Variants in PARD3B observed in about 807,000 individuals in gnomAD.
PARD3B encodes the protein par-3 family cell polarity regulator beta, also known as partitioning defective 3 homolog B.
In PARD3B, 103 loss-of-function variants were observed where a neutral mutation model predicts 130.2. The ratio of observed to expected loss-of-function variants is 0.79; its 90% CI spans 0.67 to 0.93. The LOEUF (loss-of-function observed/expected upper bound fraction) is 0.93, where lower values mean the gene tolerates loss of function less well. Among genes scored for constraint, PARD3B ranks in the 40% least tolerant of loss-of-function variants. The pLI is 0.00. For missense variants in PARD3B, 1,609 were observed against 1,499.2 expected (o/e 1.07, Z -1.21); for synonymous variants, 583 against 553.2 (o/e 1.05, Z -0.76).
chr2:205,053,498 G>C (rs1362741660), intron 4 of PARD3B, among the ~76,000 whole-genome samples: 1 of 151,924 alleles, frequency 6.6e-6, no homozygotes, highest in Non-Finnish European at 1.5e-5. Flanking sequence ...AAATTATCCA[G>C]GCTTGGTGGT....
chr2:205,587,711 T>C (rs764079376), intron 22 of PARD3B, among the ~76,000 whole-genome samples: 1 of 152,206 alleles, frequency 6.6e-6, no homozygotes, highest in Non-Finnish European at 1.5e-5. Context: ...AATCTTCTTC[T>C]ACCACGAACT....
At chr2:204,832,802 C>T (rs779798814) in intron 2 of PARD3B, among the ~76,000 whole-genome samples, 11 of 152,032 alleles carry the variant, frequency 7.2e-5, no homozygotes, top group South Asian at 2.1e-4. Context: ...TCCTATTCAA[C>T]GACACCTCCA....
At chr2:204,948,579 G>C (rs145851981) in intron 2 of PARD3B, among the ~76,000 whole-genome samples, 1 of 152,064 alleles carries the variant, frequency 6.6e-6, no homozygotes, top group South Asian at 2.1e-4. Context: ...CACAGAGACC[G>C]AACATGAGCA....
chr2:205,429,557 T>A (rs867125863), intron 19 of PARD3B, among the ~76,000 whole-genome samples: 6 of 152,182 alleles, frequency 3.9e-5, no homozygotes, highest in Non-Finnish European at 7.4e-5. Context: ...TCAGTTTGTC[T>A]CCTTAGCATT....
At chr2:204,829,149 A>C (rs1045486908) in intron 2 of PARD3B, among the ~76,000 whole-genome samples, 1 of 152,240 alleles carries the variant, frequency 6.6e-6, no homozygotes, top group Non-Finnish European at 1.5e-5. Context: ...TATATTGAGA[A>C]GTGAGCTATA....
chr2:205,265,351 A>G lies in PARD3B; in HGVS notation c.2185+19529A>G, dbSNP rs2040464131. On this transcript the variant is annotated intron_variant, in intron 16 of 22. Coordinates refer to ENST00000406610, the MANE Select transcript of PARD3B (RefSeq NM_001302769.2). This position sits in a 1 kb window ranked among gnomAD's most constrained non-coding sequence, Gnocchi z 4.3. ...GGCGGATCTGATCATCAGTCTCTAA[A>G]TGTTAGTAATCATTTGGTTTATTTA... Among the ~76,000 whole-genome samples, 1 of 152,032 alleles carries G rather than the reference A, an allele frequency of 6.6e-6. No homozygotes were observed. The highest frequency in any genetic ancestry group is 6.6e-5 in the Admixed American group (1 of 15,252).
In PARD3B at chr2:204,950,657, T is replaced by C. The variant is rs114881262; in HGVS notation, c.223-14495T>C. 1.1e-3 allele frequency among the ~76,000 whole-genome samples: 160 copies of C among 152,310 alleles called. 1 individual carries two copies. The highest frequency in any genetic ancestry group is 3.7e-3 in the African/African-American group (153 of 41,578). On this transcript the variant is annotated intron_variant, in intron 2 of 22. Coordinates refer to ENST00000406610, the MANE Select transcript of PARD3B (RefSeq NM_001302769.2). The stretch of plus-strand genomic sequence containing the variant: ...GAAAATAACTTGTTTTTCAGTTCTT[T>C]CGTATTTAAATGAAACAAGACATCT...
intron 2 of PARD3B, among the ~76,000 whole-genome samples, chr2:204,946,324 T>G (rs1689319124): frequency 6.6e-6 from 1 of 152,234 alleles, no homozygotes; most frequent in Admixed American, 6.5e-5. Context: ...CTAAACACAT[T>G]TTAATCCTTC....
At chr2:204,780,640 T>C (rs2041802526) in intron 2 of PARD3B, among the ~76,000 whole-genome samples, 1 of 152,136 alleles carries the variant, frequency 6.6e-6, no homozygotes, top group Admixed American at 6.6e-5. Context: ...AAGACTAGGG[T>C]AATTCTTAAG....
intron 18 of PARD3B, among the ~76,000 whole-genome samples, chr2:205,360,392 ACTTTGGG>A (rs1436533274): frequency 7.9e-5 from 12 of 151,818 alleles, no homozygotes; most frequent in African/African-American, 2.9e-4. Context: ...AGGTGGTTAT[ACTTTGGG>A]CTTTTAGGAT....
At chr2:204,870,808 G>A (rs1370072177) in intron 2 of PARD3B, among the ~76,000 whole-genome samples, 1 of 151,934 alleles carries the variant, frequency 6.6e-6, no homozygotes, top group Non-Finnish European at 1.5e-5. Flanking sequence ...TATTTTATTT[G>A]GAAACTAGTT....
intron 22 of PARD3B, among the ~76,000 whole-genome samples, chr2:205,555,923 T>C (rs17536092): frequency 0.021 from 3,269 of 152,282 alleles, 70 homozygotes; most frequent in Admixed American, 0.078. Context: ...CAAATTAAAC[T>C]AATGAGATGC....
intron 2 of PARD3B, among the ~76,000 whole-genome samples, chr2:204,717,564 A>G (rs1041286358): frequency 1.3e-5 from 2 of 152,108 alleles, no homozygotes; most frequent in African/African-American, 2.4e-5. Context: ...GAAGATTGGA[A>G]TTGTTTAGGG....
At chr2:205,464,099 T>G (rs1373369780) in intron 20 of PARD3B, among the ~76,000 whole-genome samples, 1 of 152,096 alleles carries the variant, frequency 6.6e-6, no homozygotes, top group African/African-American at 2.4e-5. Flanking sequence ...TGGATACTTC[T>G]TAAGTCTGAA....
At chr2:205,609,002 T>C (rs1321930091) in intron 22 of PARD3B, among the ~76,000 whole-genome samples, 2 of 152,208 alleles carry the variant, frequency 1.3e-5, no homozygotes, top group African/African-American at 2.4e-5. Context: ...CCTCTTCTCA[T>C]AACACAATGG....
chr2:205,156,368 T>A lies in PARD3B; in HGVS notation c.1435-2354T>A, dbSNP rs181792016. Among the ~76,000 whole-genome samples, 1,423 of 151,504 alleles carry A rather than the reference T, an allele frequency of 9.4e-3. 20 individuals are homozygous for A. Among genetic ancestry groups the A allele is most frequent in the African/African-American group, 0.03 (1,221 of 41,206 alleles). ...CATGGCACATGTATACATATGTAACTAACCTGCACATTGTGCACATGTACC... is the reference window on the plus strand; with the variant it reads ...CATGGCACATGTATACATATGTAACAAACCTGCACATTGTGCACATGTACC... On this transcript the variant is annotated intron_variant, in intron 10 of 22. Coordinates refer to ENST00000406610, the MANE Select transcript of PARD3B (RefSeq NM_001302769.2).
At chr2:204,601,930 C>T (rs983902987) in intron 1 of PARD3B, among the ~76,000 whole-genome samples, 1 of 152,046 alleles carries the variant, frequency 6.6e-6, no homozygotes, top group Admixed American at 6.6e-5. Flanking sequence ...TTTCTGGCCC[C>T]TCTGAAGGTG....
chr2:205,560,186 A>T (rs1450490673), intron 22 of PARD3B, among the ~76,000 whole-genome samples: 2 of 152,174 alleles, frequency 1.3e-5, no homozygotes, highest in Non-Finnish European at 2.9e-5. Context: ...TCAGAGTTTA[A>T]TCCATACTCT....
At chr2:205,029,655 T>C (rs1388641237) in intron 3 of PARD3B, among the ~76,000 whole-genome samples, 1 of 152,192 alleles carries the variant, frequency 6.6e-6, no homozygotes, top group Non-Finnish European at 1.5e-5. Flanking sequence ...CATTGTGTTA[T>C]GCATTAGTAT....
Sources: gnomAD v4.1 joint callset for allele counts (sites outside exome capture counted in the v4.1 genomes callset) on GRCh38, gnomAD v4.1.1 for gene constraint, Gnocchi (gnomAD v3.1) non-coding constraint, MANE v1.5 for transcripts, NCBI Gene and HGNC (gene_info 2026-07-23, HGNC 2026-07-21) for gene names.